Variants in ASCC1 observed in about 807,000 individuals in gnomAD.
ASCC1 encodes activating signal cointegrator 1 complex subunit 1.
In ASCC1, 35 loss-of-function variants were observed where a neutral mutation model predicts 46.6. The observed-to-expected ratio is 0.75, with a 90% CI of 0.57 to 0.99. The LOEUF (loss-of-function observed/expected upper bound fraction) is 0.99. Among genes scored for constraint, ASCC1 ranks in the 50% least tolerant of loss-of-function variants. ASCC1 has a pLI of 0.00. For synonymous variants in ASCC1, 143 were observed against 146.6 expected, an observed-to-expected ratio of 0.98 and a Z score of 0.18; for missense variants, 376 against 428.7, an observed-to-expected ratio of 0.88 and a Z score of 1.09.
intron 9 of ASCC1, among the ~76,000 whole-genome samples, chr10:72,121,633 A>G (rs1333611544): frequency 6.6e-6 from 1 of 152,232 alleles, no homozygotes; most frequent in African/African-American, 2.4e-5. Flanking sequence ...CTTCAGAGCA[A>G]GGAAAGTTAT....
At chr10:72,170,070 A>C (rs1850868645) in intron 5 of ASCC1, among the ~76,000 whole-genome samples, 1 of 152,162 alleles carries the variant, frequency 6.6e-6, no homozygotes, top group Non-Finnish European at 1.5e-5. Flanking sequence ...CAGTGAGACA[A>C]GATCGTGCCA....
At chr10:72,104,895 A>G (rs1265583103) in intron 9 of ASCC1, among the ~76,000 whole-genome samples, 1 of 152,164 alleles carries the variant, frequency 6.6e-6, no homozygotes, top group Admixed American at 6.5e-5. Flanking sequence ...GGGGTGACTT[A>G]TGACTTGAGT....
intron 9 of ASCC1, among the ~76,000 whole-genome samples, chr10:72,124,409 C>G (rs1184804098): frequency 6.6e-6 from 1 of 152,110 alleles, no homozygotes; most frequent in African/African-American, 2.4e-5. Flanking sequence ...TTATTTGTAC[C>G]ATATCACCTT....
rs566605483 is a variant in ASCC1, at chr10:72,205,897, A to C, written c.213-2373T>G. 8.5e-5 allele frequency among the ~76,000 whole-genome samples: 13 copies of C among 152,098 alleles called. No individual in the cohort carries two copies. The East Asian group carries it at 2.5e-3, about 29-fold the overall frequency. On this transcript the variant is annotated intron_variant, in intron 3 of 9. Coordinates refer to ENST00000672957, the MANE Select transcript of ASCC1 (RefSeq NM_001198800.3). ...GGTGGGTGGATCACCTGAGGTCAGGAGTTCAAGACCAGCCTGGCCAACGTG... is the reference window on the plus strand; with the variant it reads ...GGTGGGTGGATCACCTGAGGTCAGGCGTTCAAGACCAGCCTGGCCAACGTG...
intron 9 of ASCC1, among the ~76,000 whole-genome samples, chr10:72,105,142 C>T (rs1369530078): frequency 2.0e-5 from 3 of 152,182 alleles, no homozygotes; most frequent in African/African-American, 4.8e-5. Context: ...CCATTGGGTG[C>T]GGGTACCCAG....
At chr10:72,179,464 A>AT (rs936108090) in intron 5 of ASCC1, among the ~76,000 whole-genome samples, 5 of 152,166 alleles carry the variant, frequency 3.3e-5, no homozygotes, top group Non-Finnish European at 7.4e-5. Context: ...GTTTAACAGG[A>AT]TATTTTTTTC....
intron 6 of ASCC1, 107 bp from the exon 7 acceptor site, chr10:72,153,095 T>C (rs990819336): frequency 7.0e-6 from 10 of 1,425,902 alleles, no homozygotes; most frequent in South Asian, 6.0e-5. Flanking sequence ...GTTACTTACA[T>C]GTGTACAAAA....
chr10:72,211,565 C>T (rs974838657), intron 2 of ASCC1, among the ~76,000 whole-genome samples: 5 of 151,290 alleles, frequency 3.3e-5, no homozygotes, highest in Non-Finnish European at 5.9e-5. Flanking sequence ...CTCCAGAATG[C>T]GCTTGTCTCT....
At chr10:72,160,887 T>G (rs1036722384) in intron 6 of ASCC1, among the ~76,000 whole-genome samples, 2 of 150,516 alleles carry the variant, frequency 1.3e-5, no homozygotes, top group Non-Finnish European at 3.0e-5. Context: ...ATCAAGACCA[T>G]CCTGGCTAAA....
chr10:72,163,171 G>A (rs1251284730), intron 5 of ASCC1, among the ~76,000 whole-genome samples: 1 of 152,136 alleles, frequency 6.6e-6, no homozygotes, highest in Non-Finnish European at 1.5e-5. Flanking sequence ...TTGTTGCTAG[G>A]AAGGTAAAAT....
intron 7 of ASCC1, 146 bp downstream of exon 7, chr10:72,152,723 A>G (rs1171687258): frequency 2.5e-5 from 25 of 1,012,400 alleles, no homozygotes; most frequent in Non-Finnish European, 3.4e-5. Context: ...CAAGAGATTA[A>G]CTTACTATTA....
At chr10:72,191,311 C>A (rs1169848826) in intron 5 of ASCC1, among the ~76,000 whole-genome samples, 1 of 151,336 alleles carries the variant, frequency 6.6e-6, no homozygotes, top group Non-Finnish European at 1.5e-5. Context: ...GTGATCCACC[C>A]ACCTCGGCCT....
At chr10:72,132,101 G>GAC (rs1845681528) in intron 8 of ASCC1, among the ~76,000 whole-genome samples, 1 of 151,922 alleles carries the variant, frequency 6.6e-6, no homozygotes, top group East Asian at 1.9e-4. Flanking sequence ...ACTCCTAAAT[G>GAC]CAAGTGATCC....
At chr10:72,118,616 C>T (rs1843784765) in intron 9 of ASCC1, among the ~76,000 whole-genome samples, 1 of 151,260 alleles carries the variant, frequency 6.6e-6, no homozygotes, top group South Asian at 2.1e-4. Context: ...CCCGTCTCTA[C>T]TAAAAATACA....
rs1193275354 is a variant in ASCC1, at chr10:72,190,324, TG to T, written c.489+6486del. On this transcript the variant is annotated intron_variant, in intron 5 of 9. Coordinates refer to ENST00000672957, the MANE Select transcript of ASCC1 (RefSeq NM_001198800.3). ...TAGATCTATGACTTAAATATTGGAT[TG>T]GTGAAGATTCCACATACAAATTTTT... is the stretch of plus-strand genomic sequence containing the variant. The T allele has an allele frequency of 5.9e-5, 54 of 920,590 alleles. 1 individual carries two copies. The Middle Eastern group carries it at 9.5e-4, about 16-fold the overall frequency. 57.0% of individuals were successfully genotyped at this position (920,590 alleles called of 1,614,324 possible). A position where few individuals can be genotyped will look rare whatever the true frequency, so the allele number is the denominator to read the frequency against.
chr10:72,206,890 T>C (rs1196833423), intron 3 of ASCC1, among the ~76,000 whole-genome samples: 2 of 152,160 alleles, frequency 1.3e-5, no homozygotes, highest in Non-Finnish European at 2.9e-5. Flanking sequence ...GTTGAAGTTC[T>C]GTCCAGCCCA....
At chr10:72,103,623 C>T (rs1668166) in intron 9 of ASCC1, among the ~76,000 whole-genome samples, 10,278 of 152,130 alleles carry the variant, frequency 0.068, 509 homozygotes, top group Non-Finnish European at 0.1. Flanking sequence ...CTGAAGCAGA[C>T]GATAAAACCT....
At chr10:72,137,481 T>C (rs1215019964) in intron 7 of ASCC1, among the ~76,000 whole-genome samples, 1 of 145,774 alleles carries the variant, frequency 6.9e-6, no homozygotes, top group Non-Finnish European at 1.5e-5. Context: ...TGAGCCAAGA[T>C]TGCGCCATTG....
intron 7 of ASCC1, among the ~76,000 whole-genome samples, chr10:72,136,298 T>C (rs2894177): frequency 0.34 from 51,728 of 151,444 alleles, 9,646 homozygotes; most frequent in Middle Eastern, 0.44. Flanking sequence ...ATCAGCGCTC[T>C]GTGTCTAGCT....
Sources: gnomAD v4.1 joint callset for allele counts (sites outside exome capture counted in the v4.1 genomes callset) on GRCh38, gnomAD v4.1.1 for gene constraint, MANE v1.5 for transcripts, NCBI Gene and HGNC (gene_info 2026-07-23, HGNC 2026-07-21) for gene names.